Variants in CRB1 observed in about 807,000 individuals in gnomAD.
CRB1 encodes crumbs cell polarity complex component 1, also known as protein crumbs homolog 1.
CRB1 carries 83 observed loss-of-function variants against 120.0 expected under a neutral mutation model. The observed-to-expected ratio is 0.69, with a 90% CI of 0.58 to 0.83. The LOEUF (loss-of-function observed/expected upper bound fraction) is 0.83. CRB1 is among the 40% of genes least tolerant of loss of function. The pLI is 0.00. For synonymous variants in CRB1, 625 were observed against 612.5 expected (o/e 1.02, Z -0.30); for missense variants, 1,699 against 1,687.6 (o/e 1.01, Z -0.12).
At chr1:197,274,045 A>G (rs1030200682) in intron 1 of CRB1, among the ~76,000 whole-genome samples, 1 of 151,956 alleles carries the variant, frequency 6.6e-6, no homozygotes, top group African/African-American at 2.4e-5. Flanking sequence ...AGATATCTCT[A>G]TATGTAAATC....
chr1:197,442,491 C>A, intron 11 of CRB1, 199 bp downstream of exon 11: 2 of 1,488,314 alleles, frequency 1.3e-6, no homozygotes, highest in Non-Finnish European at 1.8e-6. Context: ...CATTTTAGAT[C>A]TCTGGGGAAG....
Position 197,478,224 on chromosome 1 carries a change from G to C in CRB1, c.*345G>C, listed in dbSNP as rs1667285638. On this transcript the variant is annotated 3_prime_UTR_variant, in exon 12 of 12. Coordinates refer to ENST00000367400, the MANE Select transcript of CRB1 (RefSeq NM_201253.3). ...GGAACAAATTTTAGTTTTCATTTTA[G>C]GTTTCTGTACTTTCTGTAGTTTCTG... The C allele has an allele frequency of 3.0e-6, 1 of 330,304 alleles. No individual in the cohort carries two copies. Among genetic ancestry groups the C allele is most frequent in the African/African-American group, 2.2e-5 (1 of 46,500 alleles). The allele number at this position is 330,304 out of a possible 1,614,324, so 20.5% of individuals were successfully genotyped here.
chr1:197,450,903 T>A (rs894195685), intron 11 of CRB1, among the ~76,000 whole-genome samples: 9 of 123,664 alleles, frequency 7.3e-5, no homozygotes, highest in African/African-American at 2.6e-4. Context: ...GAGCTTGCGG[T>A]GAGCTGAGAT....
intron 11 of CRB1, among the ~76,000 whole-genome samples, chr1:197,470,582 G>T (rs1481446808): frequency 6.6e-6 from 1 of 152,194 alleles, no homozygotes; most frequent in Non-Finnish European, 1.5e-5. Context: ...AAGGCCATGT[G>T]CTCCAAAGAA....
chr1:197,215,441 C>G, the CRB1 span, among the ~76,000 whole-genome samples: 3 of 151,994 alleles, frequency 2.0e-5, no homozygotes, highest in Admixed American at 2.0e-4. Flanking sequence ...CCATGCCCGG[C>G]TACTTTTGTA....
intron 5 of CRB1, among the ~76,000 whole-genome samples, chr1:197,384,946 G>A (rs1196864459): frequency 6.6e-6 from 1 of 152,164 alleles, no homozygotes; most frequent in Non-Finnish European, 1.5e-5. Flanking sequence ...ATTAAAGGTA[G>A]AGAGACTTTT....
chr1:197,274,194 T>G (rs1655061549), intron 1 of CRB1, among the ~76,000 whole-genome samples: 1 of 152,074 alleles, frequency 6.6e-6, no homozygotes, highest in African/African-American at 2.4e-5. Flanking sequence ...TATCTGCCAT[T>G]TATTCACTTG....
Position 197,326,747 on chromosome 1 carries a change from T to C in CRB1, c.71-1675T>C, listed in dbSNP as rs72740528. ...CCTTTTTAATTCAATTTCATAATTA[T>C]TTTTGTCCGATCCTGACCATTCCCA... On this transcript the variant is annotated intron_variant, in intron 1 of 11. Coordinates refer to ENST00000367400, the MANE Select transcript of CRB1 (RefSeq NM_201253.3). Among the ~76,000 whole-genome samples, 494 of 152,160 alleles carry C rather than the reference T, an allele frequency of 3.2e-3. 3 individuals carry two copies. The highest frequency in any genetic ancestry group is 6.1e-3 in the Non-Finnish European group (413 of 68,004).
chr1:197,399,577 C>T (rs1662958835), intron 5 of CRB1, among the ~76,000 whole-genome samples: 1 of 152,208 alleles, frequency 6.6e-6, no homozygotes, highest in South Asian at 2.1e-4. Context: ...TAGTAAACTA[C>T]TGCCGCATAA....
intron 1 of CRB1, among the ~76,000 whole-genome samples, chr1:197,315,306 G>A (rs1657774860): frequency 6.6e-6 from 1 of 152,016 alleles, no homozygotes; most frequent in Admixed American, 6.6e-5. Flanking sequence ...TATTTCCTGT[G>A]TGTCTTTGTG....
intron 1 of CRB1, among the ~76,000 whole-genome samples, chr1:197,275,594 A>G (rs957188272): frequency 6.6e-6 from 1 of 151,992 alleles, no homozygotes; most frequent in Non-Finnish European, 1.5e-5. Context: ...CTTTGAATTA[A>G]GTGTTCAGAA....
intron 5 of CRB1, among the ~76,000 whole-genome samples, chr1:197,379,285 T>C (rs1199924268): frequency 6.6e-6 from 1 of 152,098 alleles, no homozygotes; most frequent in Non-Finnish European, 1.5e-5. Flanking sequence ...TATTTAAAAA[T>C]CATTTTTCTT....
At chr1:197,437,773 C>G (rs1665232900) in intron 9 of CRB1, among the ~76,000 whole-genome samples, 1 of 152,086 alleles carries the variant, frequency 6.6e-6, no homozygotes, top group Non-Finnish European at 1.5e-5. Context: ...TTTTACACTT[C>G]CTGAATATTT....
chr1:197,395,851 C>T (rs974055378), intron 5 of CRB1, among the ~76,000 whole-genome samples: 1 of 152,058 alleles, frequency 6.6e-6, no homozygotes, highest in Admixed American at 6.6e-5. Context: ...CTTCCTCAGC[C>T]TGAAAATGAC....
chr1:197,326,341 G>A (rs574946820), intron 1 of CRB1, among the ~76,000 whole-genome samples: 6 of 152,254 alleles, frequency 3.9e-5, no homozygotes, highest in Admixed American at 1.3e-4. Context: ...TATAGAGGCC[G>A]GGGACTGTGG....
At chr1:197,462,088 T>C (rs529796738) in intron 11 of CRB1, among the ~76,000 whole-genome samples, 11 of 152,286 alleles carry the variant, frequency 7.2e-5, no homozygotes, top group African/African-American at 2.6e-4. Flanking sequence ...AATTAAATAG[T>C]TTGACTTTTC....
At chr1:197,307,722 A>G (rs936337579) in intron 1 of CRB1, among the ~76,000 whole-genome samples, 1 of 152,220 alleles carries the variant, frequency 6.6e-6, no homozygotes. Context: ...TGAGTTACTC[A>G]TTAATGTATT....
chr1:197,234,345 C>T, the CRB1 span, among the ~76,000 whole-genome samples: 1 of 152,148 alleles, frequency 6.6e-6, no homozygotes, highest in Admixed American at 6.5e-5. Context: ...CTGGGAGAAG[C>T]AAACTAGCAT....
At chr1:197,215,355 A>G in the CRB1 span, among the ~76,000 whole-genome samples, 2 of 145,044 alleles carry the variant, frequency 1.4e-5, no homozygotes, top group African/African-American at 5.2e-5. Flanking sequence ...TCGGCTCACC[A>G]CAACCTCCAC....
Sources: allele counts gnomAD v4.1 joint callset (sites outside exome capture counted in the v4.1 genomes callset), GRCh38; gene constraint gnomAD v4.1.1; transcripts MANE v1.5; gene names NCBI Gene and HGNC (gene_info 2026-07-23, HGNC 2026-07-21).